Variants in TXNDC9 observed in about 807,000 individuals in gnomAD.
TXNDC9 encodes thioredoxin domain-containing protein 9.
In TXNDC9, 7 loss-of-function variants were observed where a neutral mutation model predicts 23.0. The observed-to-expected ratio is 0.30, with a 90% CI of 0.17 to 0.57. TXNDC9 has a LOEUF of 0.57. Among genes scored for constraint, TXNDC9 ranks in the 20% least tolerant of loss-of-function variants. TXNDC9 has a pLI of 0.90. For synonymous variants in TXNDC9, 72 were observed against 90.6 expected, an observed-to-expected ratio of 0.79 and a Z score of 1.17; for missense variants, 198 against 252.6, an observed-to-expected ratio of 0.78 and a Z score of 1.47.
intron 4 of TXNDC9, chr2:99,321,113 T>C (rs1009729375): frequency 6.6e-6 from 1 of 151,938 alleles, no homozygotes; most frequent in Non-Finnish European, 1.5e-5. Flanking sequence ...TAATATTTTA[T>C]GTTAATATTA....
At chr2:99,310,699 G>A in the TXNDC9 span, among the ~76,000 whole-genome samples, 1 of 152,248 alleles carries the variant, frequency 6.6e-6, no homozygotes, top group South Asian at 2.1e-4. Context: ...GTTTCACAGA[G>A]ATGGAACCAG....
rs572701745 is a variant in TXNDC9 at position 99,330,012 on chromosome 2, G to A, written c.190-2359C>T. 1.2e-4 allele frequency among the ~76,000 whole-genome samples: 18 copies of A among 150,944 alleles called. No individual in the cohort carries two copies. In the South Asian group the frequency reaches 2.1e-3, roughly 18 times the overall value. On this transcript the variant is annotated intron_variant, in intron 2 of 4. Coordinates refer to ENST00000264255, the MANE Select transcript of TXNDC9 (RefSeq NM_005783.4). ...TTTAAAAAGCTGCTATTTCTAGGCC[G>A]GGCGCAGTGGCTCACGCCTGTAATA...
chr2:99,314,023 T>C (rs116320524), downstream of TXNDC9, among the ~76,000 whole-genome samples: 768 of 152,308 alleles, frequency 5.0e-3, 11 homozygotes, highest in African/African-American at 0.018. Flanking sequence ...CTGAAAGACT[T>C]CATATAGGTA....
chr2:99,312,416 G>A, the TXNDC9 span, among the ~76,000 whole-genome samples: 5 of 150,432 alleles, frequency 3.3e-5, no homozygotes, highest in African/African-American at 9.8e-5. Flanking sequence ...ATAATTGCTC[G>A]AACCCGGGAG....
At chr2:99,317,983 C>T (rs751185597), downstream of TXNDC9, among the ~76,000 whole-genome samples, 1 of 152,306 alleles carries the variant, frequency 6.6e-6, no homozygotes, top group East Asian at 1.9e-4. Flanking sequence ...CTCTGCCTCT[C>T]GCGTTCAAGC....
chr2:99,315,040 C>T (rs965430890), downstream of TXNDC9, among the ~76,000 whole-genome samples: 8 of 149,500 alleles, frequency 5.4e-5, no homozygotes, highest in Non-Finnish European at 1.0e-4. Flanking sequence ...GGACTACAGG[C>T]GCCCACCACC....
chr2:99,336,124 A>G, intron 1 of TXNDC9, 115 bp downstream of exon 1: 1 of 899,098 alleles, frequency 1.1e-6, no homozygotes, highest in Non-Finnish European at 1.3e-6. Context: ...CTCTGCCAGG[A>G]CACCGACACC....
chr2:99,324,415 T>A (rs2094209040), intron 3 of TXNDC9, among the ~76,000 whole-genome samples: 2 of 152,242 alleles, frequency 1.3e-5, no homozygotes, highest in Non-Finnish European at 2.9e-5. Context: ...GTTACTCATG[T>A]AGTTCAGTAA....
At chr2:99,323,532 TCAAGAC>T (rs2094207104) in intron 3 of TXNDC9, among the ~76,000 whole-genome samples, 1 of 152,138 alleles carries the variant, frequency 6.6e-6, no homozygotes, top group South Asian at 2.1e-4. Context: ...GGCCAAGAGT[TCAAGAC>T]CAGCCTGGTC....
At chr2:99,332,112 T>C (rs1347851694) in intron 2 of TXNDC9, among the ~76,000 whole-genome samples, 2 of 152,234 alleles carry the variant, frequency 1.3e-5, no homozygotes, top group African/African-American at 4.8e-5. Flanking sequence ...GGTGATAAAG[T>C]ATTTCCATGT....
At chr2:99,313,942 T>C in the TXNDC9 span, among the ~76,000 whole-genome samples, 5 of 152,250 alleles carry the variant, frequency 3.3e-5, no homozygotes, top group Admixed American at 6.5e-5. Flanking sequence ...TTTTCCAGTG[T>C]AGTTACTTTT....
At chr2:99,308,221 A>G in the TXNDC9 span, among the ~76,000 whole-genome samples, 8 of 152,088 alleles carry the variant, frequency 5.3e-5, no homozygotes, top group African/African-American at 1.9e-4. Context: ...TCCAGCTCAC[A>G]GTGTCTCTAT....
intron 3 of TXNDC9, chr2:99,322,508 G>C: frequency 6.9e-7 from 1 of 1,452,900 alleles, no homozygotes; most frequent in Non-Finnish European, 9.1e-7. Flanking sequence ...CTCCTACACA[G>C]GAAACTTGAA....
In TXNDC9 at chr2:99,330,205, G is replaced by A. The variant is rs547808020; in HGVS notation, c.190-2552C>T. On this transcript the variant is annotated intron_variant, in intron 2 of 4. Coordinates refer to ENST00000264255, the MANE Select transcript of TXNDC9 (RefSeq NM_005783.4). The stretch of plus-strand genomic sequence containing the variant: ...CTTGGGAGGCTGAGGCAGAAGAATT[G>A]CTTGATCCTGGGAGGTGGAGGTTGC... Among the ~76,000 whole-genome samples the A allele has an allele frequency of 2.5e-3, 355 of 141,402 alleles. 5 individuals are homozygous for A. Among genetic ancestry groups the A allele is most frequent in the African/African-American group, 8.7e-3 (327 of 37,408 alleles). 92.8% of individuals were successfully genotyped at this position (141,402 alleles called of 152,430 possible). A position where few individuals can be genotyped will look rare whatever the true frequency, so the allele number is the denominator to read the frequency against.
downstream of TXNDC9, among the ~76,000 whole-genome samples, chr2:99,314,999 C>T (rs1175134139): frequency 6.7e-6 from 1 of 148,972 alleles, no homozygotes; most frequent in Non-Finnish European, 1.5e-5. Context: ...GGGTTCATGC[C>T]ATTCTCCTGC....
At chr2:99,334,368 C>G (rs2094233615) in intron 1 of TXNDC9, among the ~76,000 whole-genome samples, 1 of 152,128 alleles carries the variant, frequency 6.6e-6, no homozygotes, top group Non-Finnish European at 1.5e-5. Context: ...AACCAAAAAC[C>G]AAAAACCCAC....
intron 2 of TXNDC9, 138 bp from the exon 3 acceptor site, chr2:99,327,791 G>GTTT (rs370956594): frequency 8.8e-5 from 35 of 396,746 alleles, no homozygotes; most frequent in East Asian, 9.9e-5. Context: ...GTTTGTTTTT[G>GTTT]TTTTTTTTTT....
chr2:99,326,032 A>C (rs546723373), intron 3 of TXNDC9, among the ~76,000 whole-genome samples: 79 of 152,026 alleles, frequency 5.2e-4, no homozygotes, highest in South Asian at 1.1e-3. Context: ...AAAACAACAA[A>C]AAAAAAACAA....
chr2:99,322,646 C>T, intron 3 of TXNDC9: 1 of 1,542,164 alleles, frequency 6.5e-7, no homozygotes, highest in Non-Finnish European at 8.7e-7. Context: ...CTTCTTACTC[C>T]TAAATATGCA....
Sources: gnomAD v4.1 joint callset for allele counts (sites outside exome capture counted in the v4.1 genomes callset) on GRCh38, gnomAD v4.1.1 for gene constraint, MANE v1.5 for transcripts, NCBI Gene and HGNC (gene_info 2026-07-23, HGNC 2026-07-21) for gene names.